PTGIR: variants seen among roughly 807,000 people sequenced by gnomAD.
PTGIR encodes prostacyclin receptor.
In PTGIR, 16 loss-of-function variants were observed where a neutral mutation model predicts 17.6. The ratio of observed to expected loss-of-function variants is 0.91; its 90% confidence interval spans 0.61 to 1.38. The LOEUF (loss-of-function observed/expected upper bound fraction) is 1.38. Ranked by LOEUF, PTGIR falls within the 40% of genes most tolerant of loss-of-function variation. PTGIR has a pLI of 0.00. For missense variants in PTGIR, 532 were observed against 548.6 expected, an observed-to-expected ratio of 0.97 and a Z score of 0.30; for synonymous variants, 274 against 255.4, an observed-to-expected ratio of 1.07 and a Z score of -0.69.
At chr19:46,619,587 GAA>G (rs1419268539), downstream of PTGIR, among the ~76,000 whole-genome samples, 3 of 116,862 alleles carry the variant, frequency 2.6e-5, no homozygotes, top group Non-Finnish European at 5.5e-5. Context: ...GAGAGAGAAA[GAA>G]AGAAAAGAAA....
At chr19:46,619,645 G>GAAAGAAAGAA (rs1972027869), downstream of PTGIR, among the ~76,000 whole-genome samples, 1 of 138,770 alleles carries the variant, frequency 7.2e-6, no homozygotes, top group Non-Finnish European at 1.6e-5. Context: ...AAGAAAGAAA[G>GAAAGAAAGAA]AAAGAAAGAA....
Position 46,621,588 on chromosome 19 carries a change from G to A in PTGIR, c.853C>T (p.Pro285Ser), listed in dbSNP as rs2122329856. 2 of 1,613,872 alleles carry A rather than the reference G, an allele frequency of 1.2e-6. No individual in the cohort carries two copies. The highest frequency in any genetic ancestry group is 1.1e-5 in the South Asian group (1 of 91,090). ...LLAFRFYAFN[P>S]ILDPWVFILF... ...ATGAAGACCCAGGGGTCCAGGATGG[G>A]GTTGAAGGCGTAGAAGCGGAAGGCA... is the stretch of plus-strand genomic sequence containing the variant. The change falls in exon 3 of 3, where the codon CCC becomes TCC. Residue 285 changes from proline to serine, a missense_variant. Pro to Ser is a moderately conservative substitution (Grantham distance 74). Transcript: ENST00000291294. The surrounding 1 kb of genome is among the most constrained non-coding windows in gnomAD (Gnocchi z 4.8).
chr19:46,617,692 C>T (rs1281604860), downstream of PTGIR, among the ~76,000 whole-genome samples: 5 of 152,068 alleles, frequency 3.3e-5, no homozygotes, highest in African/African-American at 9.7e-5. Context: ...AGGTGAGCAC[C>T]CTTCAATGCC....
At chr19:46,622,024 G>A in intron 2 of PTGIR, 1 of 985,400 alleles carries the variant, frequency 1.0e-6, no homozygotes, top group Non-Finnish European at 1.2e-6. Context: ...CTGCGGTGGT[G>A]CCTGTGTGTA....
downstream of PTGIR, among the ~76,000 whole-genome samples, chr19:46,617,573 G>T (rs971884200): frequency 6.6e-6 from 1 of 152,158 alleles, no homozygotes; most frequent in African/African-American, 2.4e-5. Context: ...AGCACCCACC[G>T]CAGGCAAGGA....
chr19:46,617,976 C>T (rs9710342), downstream of PTGIR, among the ~76,000 whole-genome samples: 22,815 of 148,462 alleles, frequency 0.15, 2,059 homozygotes, highest in African/African-American at 0.25. Context: ...GTAGCTGGGA[C>T]TACATGTGTG....
chr19:46,617,734 A>G (rs1389024105), downstream of PTGIR, among the ~76,000 whole-genome samples: 1 of 151,630 alleles, frequency 6.6e-6, no homozygotes, highest in Non-Finnish European at 1.5e-5. Context: ...CTTCCTCACC[A>G]TCCTCTGTTG....
At chr19:46,624,514 G>A (rs2052780329) in intron 1 of PTGIR, 2 of 315,350 alleles carry the variant, frequency 6.3e-6, no homozygotes, top group South Asian at 1.8e-4. Context: ...GAGAGCAATG[G>A]CATGATCTCG....
Position 46,621,996 on chromosome 19 carries a change from C to G in PTGIR, c.769-324G>C, listed in dbSNP as rs899339581. The G allele has an allele frequency of 1.0e-6, 1 of 985,418 alleles. No individual in the cohort carries two copies. The allele number at this position is 985,418 out of a possible 1,614,324, so 61.0% of individuals were successfully genotyped here. A position where few individuals can be genotyped will look rare whatever the true frequency, so the allele number is the denominator to read the frequency against. On this transcript the variant is annotated intron_variant, in intron 2 of 2. Coordinates refer to ENST00000291294, the MANE Select transcript of PTGIR (RefSeq NM_000960.4). The surrounding 1 kb of genome is among the most constrained non-coding windows in gnomAD (Gnocchi z 4.8). ...AAGGTGGCGCCACCCGGCTGGGCCC[C>G]CTGAAACTGCCGCAGAGCTGCGGTG...
In PTGIR at chr19:46,621,529, C is replaced by T. The variant is rs771082936; in HGVS notation, c.912G>A (p.Lys304=). The change falls in exon 3 of 3, where the codon AAG becomes AAA. Residue 304 remains lysine (K), a synonymous_variant. Transcript: ENST00000291294. This position sits in a 1 kb window ranked among gnomAD's most constrained non-coding sequence, Gnocchi z 4.8. ...CGAGGCACAGGCAGCAGACCCAGAG[C>T]TTGAGTCGCTGGAAGACAGCCTTGC... is the stretch of plus-strand genomic sequence containing the variant. The part of the protein sequence containing the change: ...LFRKAVFQRL[K]LWVCCLCLGP... 6.2e-7 allele frequency: 1 copy of T among 1,614,178 alleles called. No homozygotes were observed. The highest frequency in any genetic ancestry group is 1.7e-5 in the Admixed American group (1 of 60,032).
chr19:46,619,642 AAAGAAAG>A (rs1387093129), downstream of PTGIR, among the ~76,000 whole-genome samples: 85 of 139,318 alleles, frequency 6.1e-4, 3 homozygotes, highest in African/African-American at 1.6e-3. Flanking sequence ...AGAAAGAAAG[AAAGAAAG>A]AAAGAAAAGA....
chr19:46,619,099 C>G (rs1023409846), downstream of PTGIR, among the ~76,000 whole-genome samples: 1 of 152,080 alleles, frequency 6.6e-6, no homozygotes, highest in East Asian at 1.9e-4. Context: ...CCAAGGTGTC[C>G]CGGAGTGGAT....
intron 2 of PTGIR, 31 bp downstream of exon 2, chr19:46,623,427 C>T (rs1200843223): frequency 7.4e-6 from 11 of 1,496,056 alleles, no homozygotes; most frequent in Non-Finnish European, 8.9e-6. Flanking sequence ...TCCTCCTCTC[C>T]CCACTCCTCC....
At chr19:46,619,547 A>AAG (rs200797814), downstream of PTGIR, among the ~76,000 whole-genome samples, 642 of 87,842 alleles carry the variant, frequency 7.3e-3, 5 homozygotes, top group Non-Finnish European at 9.5e-3. Flanking sequence ...GAAAGAAAGA[A>AAG]AGAGAGAGAG....
At chr19:46,623,139 G>A (rs1377776485) in intron 2 of PTGIR, 1 of 198,086 alleles carries the variant, frequency 5.0e-6, no homozygotes, top group East Asian at 1.3e-4. Flanking sequence ...GTGCCACTAC[G>A]TCCGGCTACT....
chr19:46,621,239 G>A lies in PTGIR; in HGVS notation c.*41C>T, dbSNP rs926051506. ...TGTCCCTGATTTTCTGGCTCCTGTC[G>A]CCCGAAGACAGGGCAGAGATCACAG... On this transcript the variant is annotated 3_prime_UTR_variant, in exon 3 of 3. Transcript: ENST00000291294. The surrounding 1 kb of genome is among the most constrained non-coding windows in gnomAD (Gnocchi z 4.8). The A allele has an allele frequency of 1.3e-5, 19 of 1,463,422 alleles. No homozygotes were observed. The highest frequency in any genetic ancestry group is 5.7e-5 in the African/African-American group (4 of 70,472). 90.7% of individuals were successfully genotyped at this position (1,463,422 alleles called of 1,614,324 possible). A position where few individuals can be genotyped will look rare whatever the true frequency, so the allele number is the denominator to read the frequency against.
chr19:46,625,027 C>G lies in PTGIR; in HGVS notation c.-43G>C, dbSNP rs200474618. 3 of 154,444 alleles carry G rather than the reference C, an allele frequency of 1.9e-5. No individual in the cohort carries two copies. Among genetic ancestry groups the G allele is most frequent in the East Asian group, 3.8e-4 (2 of 5,236 alleles). 9.6% of individuals were successfully genotyped at this position (154,444 alleles called of 1,614,324 possible). A position where few individuals can be genotyped will look rare whatever the true frequency, so the allele number is the denominator to read the frequency against. ...CAGTCTTGCCCAGGCTCTCCTGTCC[C>G]GTGCGTCTGTGCCTTCACTTGCTTT... On this transcript the variant is annotated 5_prime_UTR_variant, in exon 1 of 3. Transcript: ENST00000291294. This position sits in a 1 kb window ranked among gnomAD's most constrained non-coding sequence, Gnocchi z 4.9.
downstream of PTGIR, chr19:46,620,461 C>T (rs1021639542): frequency 3.0e-6 from 3 of 985,324 alleles, no homozygotes; most frequent in Middle Eastern, 5.2e-4. Context: ...GGACACATAA[C>T]ATGAGGTCAG....
At chr19:46,620,467 G>T, downstream of PTGIR, 1 of 985,422 alleles carries the variant, frequency 1.0e-6, no homozygotes, top group Non-Finnish European at 1.2e-6. Flanking sequence ...ATAACATGAG[G>T]TCAGGCTCTG....
Sources: gnomAD v4.1 joint callset for allele counts (sites outside exome capture counted in the v4.1 genomes callset) on GRCh38, gnomAD v4.1.1 for gene constraint, Gnocchi (gnomAD v3.1) non-coding constraint, MANE v1.5 for transcripts, NCBI Gene and HGNC (gene_info 2026-07-23, HGNC 2026-07-21) for gene names.